DHRSX: variants seen among roughly 807,000 people sequenced by gnomAD.
DHRSX encodes the protein polyprenol dehydrogenase.
A neutral mutation model predicts 34.0 loss-of-function variants in DHRSX; 31 were observed. That is an observed-to-expected ratio of 0.91 (90% CI 0.69 to 1.23). The LOEUF (loss-of-function observed/expected upper bound fraction) is 1.23. Among genes scored for constraint, DHRSX ranks in the 50% most tolerant of loss-of-function variants. The pLI is 0.00. For missense variants in DHRSX, 414 were observed against 428.1 expected, an observed-to-expected ratio of 0.97 and a Z score of 0.29; for synonymous variants, 201 against 183.8, an observed-to-expected ratio of 1.09 and a Z score of -0.76.
chrX:2,334,572 A>G (rs73189640), intron 3 of DHRSX: 50,614 of 151,680 alleles, frequency 0.33, 11,954 homozygotes, highest in African/African-American at 0.67. Context: ...TCCCGCCTCA[A>G]CCTCCCCAGT....
chrX:2,270,483 G>A (rs1481820922), intron 4 of DHRSX, among the ~76,000 whole-genome samples: 1 of 152,140 alleles, frequency 6.6e-6, no homozygotes, highest in African/African-American at 2.4e-5. Flanking sequence ...TCTCCAACCC[G>A]CCTTTCAAAA....
chrX:2,359,362 A>C (rs1377189459), intron 3 of DHRSX, among the ~76,000 whole-genome samples: 1 of 152,192 alleles, frequency 6.6e-6, no homozygotes, highest in African/African-American at 2.4e-5. Context: ...AATGCCCATC[A>C]GTGGTAGACA....
At chrX:2,470,646 G>A (rs1220265925) in intron 1 of DHRSX, among the ~76,000 whole-genome samples, 1 of 152,104 alleles carries the variant, frequency 6.6e-6, no homozygotes, top group Non-Finnish European at 1.5e-5. Flanking sequence ...GTTGGAGGCT[G>A]CTGAGAGCTA....
intron 1 of DHRSX, among the ~76,000 whole-genome samples, chrX:2,434,200 TG>T (rs1412657002): frequency 6.6e-6 from 1 of 152,148 alleles, no homozygotes; most frequent in African/African-American, 2.4e-5. Context: ...TCGCTGACAA[TG>T]AAATAATGAA....
intron 5 of DHRSX, among the ~76,000 whole-genome samples, chrX:2,245,553 G>T (rs1040638539): frequency 6.6e-6 from 1 of 150,624 alleles, no homozygotes; most frequent in Non-Finnish European, 1.5e-5. Flanking sequence ...CAGGTGATCC[G>T]CCTGCCTCGG....
At chrX:2,491,423 C>T (rs1461225958) in intron 1 of DHRSX, among the ~76,000 whole-genome samples, 1 of 152,162 alleles carries the variant, frequency 6.6e-6, no homozygotes, top group East Asian at 1.9e-4. Context: ...AAGAGTTTCC[C>T]AAGCACCTGC....
At chrX:2,350,692 A>G (rs2042778829) in intron 3 of DHRSX, among the ~76,000 whole-genome samples, 1 of 152,178 alleles carries the variant, frequency 6.6e-6, no homozygotes, top group African/African-American at 2.4e-5. Flanking sequence ...CCTAGAGTTA[A>G]CAAGACCGTA....
chrX:2,354,844 G>A (rs1329314117), intron 3 of DHRSX, among the ~76,000 whole-genome samples: 1 of 152,104 alleles, frequency 6.6e-6, no homozygotes, highest in African/African-American at 2.4e-5. Context: ...CCATGTCTGA[G>A]GTCCACGGGG....
At chrX:2,323,339 G>A (rs997575463) in intron 3 of DHRSX, among the ~76,000 whole-genome samples, 4 of 152,130 alleles carry the variant, frequency 2.6e-5, no homozygotes, top group African/African-American at 9.7e-5. Flanking sequence ...GGATGCTACA[G>A]AAACACGTGA....
At chrX:2,487,083 AT>A (rs2044959125) in intron 1 of DHRSX, 1 of 152,086 alleles carries the variant, frequency 6.6e-6, no homozygotes, top group African/African-American at 2.4e-5. Context: ...CTCCTGAAGT[AT>A]TTTTCCTCCA....
In DHRSX at chrX:2,314,960, A is replaced by G. The variant is rs1167850329; in HGVS notation, c.287-23357T>C. On this transcript the variant is annotated intron_variant, in intron 3 of 6. Transcript: ENST00000334651. ...ATCACCTGAGGTCGGGAGTTAAGAG[A>G]CCAGCCTGACCAACATGGAGAAATG... Among the ~76,000 whole-genome samples the G allele has an allele frequency of 3.3e-5, 5 of 152,102 alleles. No individual in the cohort carries two copies. The South Asian group carries it at 1.0e-3, about 31-fold the overall frequency.
intron 4 of DHRSX, among the ~76,000 whole-genome samples, chrX:2,267,777 C>G (rs1479070873): frequency 6.6e-6 from 1 of 151,972 alleles, no homozygotes; most frequent in Non-Finnish European, 1.5e-5. Flanking sequence ...GAAACTCCAT[C>G]TTTACCAAAA....
intron 3 of DHRSX, among the ~76,000 whole-genome samples, chrX:2,326,604 C>T (rs1307372975): frequency 6.6e-6 from 1 of 152,068 alleles, no homozygotes; most frequent in African/African-American, 2.4e-5. Context: ...CCTCCGGGAG[C>T]TCCACCAGGT....
intron 6 of DHRSX, among the ~76,000 whole-genome samples, chrX:2,229,749 G>C (rs1454597632): frequency 6.6e-6 from 1 of 152,082 alleles, no homozygotes; most frequent in Non-Finnish European, 1.5e-5. Flanking sequence ...ATAAATATAT[G>C]TGCATGCATG....
Position 2,390,204 on chromosome X carries a change from C to T in DHRSX, c.286+18541G>A, listed in dbSNP as rs1490108059. Among the ~76,000 whole-genome samples the T allele has an allele frequency of 2.2e-5, 3 of 139,172 alleles. No individual in the cohort carries two copies. In the South Asian group the frequency reaches 6.7e-4, roughly 31 times the overall value. 91.3% of individuals were successfully genotyped at this position (139,172 alleles called of 152,430 possible). A position where few individuals can be genotyped will look rare whatever the true frequency, so the allele number is the denominator to read the frequency against. On this transcript the variant is annotated intron_variant, in intron 3 of 6. Coordinates refer to ENST00000334651, the MANE Select transcript of DHRSX (RefSeq NM_145177.3). ...TGTTGCCCATCCTGGAGTGTAATAG[C>T]GCGATCTCAGCTCACCACAACCTCT...
intron 1 of DHRSX, among the ~76,000 whole-genome samples, chrX:2,496,538 C>T (rs1049446608): frequency 6.6e-6 from 1 of 152,120 alleles, no homozygotes; most frequent in Admixed American, 6.6e-5. Flanking sequence ...GCAGTGTATA[C>T]TGCTTGGGTG....
chrX:2,297,821 C>T (rs981090576), intron 3 of DHRSX, among the ~76,000 whole-genome samples: 9 of 150,664 alleles, frequency 6.0e-5, no homozygotes, highest in Non-Finnish European at 1.2e-4. Context: ...GCGGACAGAT[C>T]TTGGCTGACT....
intron 1 of DHRSX, among the ~76,000 whole-genome samples, chrX:2,450,220 C>G (rs905298797): frequency 6.6e-6 from 1 of 151,968 alleles, no homozygotes; most frequent in Non-Finnish European, 1.5e-5. Context: ...TTTTGGAAGG[C>G]CCACTTGTCA....
chrX:2,442,522 C>T (rs890485780), intron 1 of DHRSX, among the ~76,000 whole-genome samples: 1 of 151,532 alleles, frequency 6.6e-6, no homozygotes, highest in African/African-American at 2.4e-5. Flanking sequence ...AAGCCCAGTA[C>T]GTATGCAACA....
Sources: gnomAD v4.1 joint callset for allele counts (sites outside exome capture counted in the v4.1 genomes callset) on GRCh38, gnomAD v4.1.1 for gene constraint, MANE v1.5 for transcripts, NCBI Gene and HGNC (gene_info 2026-07-23, HGNC 2026-07-21) for gene names.